The following DRC8 variants were observed in gnomAD, a reference collection of about 807,000 sequenced individuals.
The protein encoded by DRC8 is dynein regulatory complex subunit 8.
chr1:245,105,544 G>GCCCA, the DRC8 span, among the ~76,000 whole-genome samples: 2 of 146,014 alleles, frequency 1.4e-5, no homozygotes, highest in African/African-American at 2.5e-5. Context: ...TATAACCTGA[G>GCCCA]CCCAGGACAT....
the DRC8 span, among the ~76,000 whole-genome samples, chr1:245,037,911 T>G: frequency 6.6e-6 from 1 of 151,904 alleles, no homozygotes; most frequent in African/African-American, 2.4e-5. Flanking sequence ...AAGCTAAAAT[T>G]TATAGACAAA....
At chr1:245,070,898 G>A in the DRC8 span, among the ~76,000 whole-genome samples, 1 of 152,194 alleles carries the variant, frequency 6.6e-6, no homozygotes, top group Non-Finnish European at 1.5e-5. Flanking sequence ...AAGGGCTGGA[G>A]AGAATTAGCT....
chr1:245,083,400 GT>G, the DRC8 span: 198 of 1,580,334 alleles, frequency 1.3e-4, no homozygotes, highest in Non-Finnish European at 1.6e-4. Flanking sequence ...AAAGACTGCG[GT>G]AAATACCACG....
the DRC8 span, among the ~76,000 whole-genome samples, chr1:244,991,160 G>A: frequency 7.9e-5 from 12 of 152,100 alleles, no homozygotes; most frequent in African/African-American, 2.9e-4. Context: ...TGCTATAAAG[G>A]TTCACAGAAC....
chr1:244,970,641 G>GCCCCGCCCCTCCCCGCCTCTCTC, the DRC8 span: 1 of 82,332 alleles, frequency 1.2e-5, no homozygotes, highest in African/African-American at 1.1e-4. Context: ...CCGCCGCTCC[G>GCCCCGCCCCTCCCCGCCTCTCTC]CCCCGCCCCG....
chr1:245,104,095 G>A, the DRC8 span, among the ~76,000 whole-genome samples: 1 of 152,222 alleles, frequency 6.6e-6, no homozygotes, highest in African/African-American at 2.4e-5. Flanking sequence ...AGAAGAGCCT[G>A]TGGATGGAGC....
the DRC8 span, among the ~76,000 whole-genome samples, chr1:245,051,326 A>C: frequency 1.3e-5 from 2 of 151,942 alleles, no homozygotes. Flanking sequence ...CAGGAGTTTG[A>C]GTATGTAGTG....
the DRC8 span, among the ~76,000 whole-genome samples, chr1:245,105,022 C>T: frequency 1.6e-4 from 24 of 152,288 alleles, no homozygotes; most frequent in African/African-American, 4.6e-4. Context: ...TGGACTTGTC[C>T]GATTGCATTT....
the DRC8 span, among the ~76,000 whole-genome samples, chr1:244,971,958 C>CAAAA: frequency 5.4e-4 from 58 of 107,200 alleles, no homozygotes; most frequent in South Asian, 2.9e-3. Context: ...TGTTCTTTAC[C>CAAAA]AAAAAAAAAA....
chr1:245,121,838 C>G, the DRC8 span: 8 of 418,916 alleles, frequency 1.9e-5, no homozygotes, highest in East Asian at 4.5e-4. Context: ...TTAGGCTTGT[C>G]TTAGCTACTT....
chr1:245,012,066 T>C, the DRC8 span, among the ~76,000 whole-genome samples: 1 of 152,154 alleles, frequency 6.6e-6, no homozygotes, highest in Non-Finnish European at 1.5e-5. Flanking sequence ...AGAAAATATA[T>C]TGATAAGAAG....
the DRC8 span, among the ~76,000 whole-genome samples, chr1:245,007,611 C>T: frequency 0.014 from 2,074 of 152,138 alleles, 43 homozygotes; most frequent in African/African-American, 0.047. Flanking sequence ...ATAGTTTAGG[C>T]GGTGGGTATA....
At chr1:244,997,651 C>G in the DRC8 span, among the ~76,000 whole-genome samples, 2 of 151,032 alleles carry the variant, frequency 1.3e-5, no homozygotes, top group Admixed American at 1.3e-4. Context: ...TCAAGCAATT[C>G]TCCTGCCTCA....
chr1:244,984,249 C>A, the DRC8 span, among the ~76,000 whole-genome samples: 4 of 152,080 alleles, frequency 2.6e-5, no homozygotes, highest in African/African-American at 7.2e-5. Flanking sequence ...TACATTATTT[C>A]TCTCCAATTT....
At chr1:245,120,149 C>G in the DRC8 span, among the ~76,000 whole-genome samples, 5 of 152,032 alleles carry the variant, frequency 3.3e-5, no homozygotes, top group Admixed American at 6.6e-5. Context: ...GGTATGAAGG[C>G]TCATAGAGTA....
At chr1:244,970,804 G>A in the DRC8 span, 6 of 363,004 alleles carry the variant, frequency 1.7e-5, no homozygotes, top group African/African-American at 1.1e-4. Flanking sequence ...TCGGAGGCCG[G>A]GCCTTGCATC....
the DRC8 span, among the ~76,000 whole-genome samples, chr1:245,074,836 G>T: frequency 0.075 from 11,346 of 152,172 alleles, 484 homozygotes; most frequent in African/African-American, 0.097. Context: ...TTTCTAAATT[G>T]TGTTTATGTT....
chr1:245,104,853 T>A, the DRC8 span, among the ~76,000 whole-genome samples: 1 of 152,254 alleles, frequency 6.6e-6, no homozygotes, highest in African/African-American at 2.4e-5. Flanking sequence ...CTCATAAATA[T>A]GCTTTTACCA....
the DRC8 span, among the ~76,000 whole-genome samples, chr1:245,121,208 C>T: frequency 2.0e-5 from 3 of 152,116 alleles, no homozygotes; most frequent in African/African-American, 4.8e-5. Context: ...TAGGGAAATA[C>T]GGAGGTGTAT....
Sources: allele counts gnomAD v4.1 joint callset (sites outside exome capture counted in the v4.1 genomes callset), GRCh38; gene constraint gnomAD v4.1.1; transcripts MANE v1.5; gene names NCBI Gene and HGNC (gene_info 2026-07-23, HGNC 2026-07-21).